NBAS: variants seen among roughly 807,000 people sequenced by gnomAD.
The protein encoded by NBAS is NAG/BC035112 fusion.
A neutral mutation model predicts 302.5 loss-of-function variants in NBAS; 219 were observed. That is an observed-to-expected ratio of 0.72 (90% CI 0.65 to 0.81). NBAS has a LOEUF of 0.81. Among genes scored for constraint, NBAS ranks in the 30% least tolerant of loss-of-function variants. The probability of loss-of-function intolerance (pLI) is 0.00; values close to 1 mark genes in which losing one functional copy is unlikely to be tolerated. For missense variants in NBAS, 2,932 were observed against 2,841.6 expected (o/e 1.03, Z -0.72); for synonymous variants, 1,118 against 1,021.6 (o/e 1.09, Z -1.80).
intron 40 of NBAS, among the ~76,000 whole-genome samples, chr2:15,294,256 CA>C (rs530491384): frequency 2.0e-3 from 307 of 152,282 alleles, no homozygotes; most frequent in African/African-American, 6.8e-3. Context: ...GTTAAATACT[CA>C]GGTACCATAC....
At chr2:15,141,819 G>C in the NBAS span, among the ~76,000 whole-genome samples, 1 of 152,164 alleles carries the variant, frequency 6.6e-6, no homozygotes, top group African/African-American at 2.4e-5. Flanking sequence ...AAGGGGCAGG[G>C]GATGCTAGAG....
At chr2:15,459,986 A>T (rs1679435052) in intron 21 of NBAS, among the ~76,000 whole-genome samples, 1 of 147,000 alleles carries the variant, frequency 6.8e-6, no homozygotes, top group Admixed American at 7.0e-5. Flanking sequence ...GGTAATACCA[A>T]AATTATTTGA....
At chr2:15,034,509 G>C in the NBAS span, among the ~76,000 whole-genome samples, 1 of 152,072 alleles carries the variant, frequency 6.6e-6, no homozygotes, top group South Asian at 2.1e-4. Flanking sequence ...CAACACAGCC[G>C]GTGGTGCTTT....
At chr2:14,793,651 A>G in the NBAS span, among the ~76,000 whole-genome samples, 3 of 152,196 alleles carry the variant, frequency 2.0e-5, no homozygotes, top group Non-Finnish European at 2.9e-5. Context: ...TAGTCTAAGA[A>G]GAAATGATCG....
At chr2:14,791,634 T>G in the NBAS span, among the ~76,000 whole-genome samples, 1 of 151,832 alleles carries the variant, frequency 6.6e-6, no homozygotes, top group African/African-American at 2.4e-5. Flanking sequence ...AAACCCCATC[T>G]CTACTAAAAA....
the NBAS span, among the ~76,000 whole-genome samples, chr2:15,097,512 T>A: frequency 7.2e-5 from 11 of 152,134 alleles, no homozygotes; most frequent in Admixed American, 6.6e-4. Flanking sequence ...AGAAATTTGT[T>A]CCTCACAGTT....
chr2:15,156,958 C>A, the NBAS span, among the ~76,000 whole-genome samples: 1 of 152,162 alleles, frequency 6.6e-6, no homozygotes, highest in Admixed American at 6.5e-5. Flanking sequence ...CATAGGCATC[C>A]TCCCTCCCTT....
chr2:15,430,850 A>G (rs553564117), intron 21 of NBAS, among the ~76,000 whole-genome samples: 1 of 151,966 alleles, frequency 6.6e-6, no homozygotes, highest in African/African-American at 2.4e-5. Flanking sequence ...TCGGTCGCCC[A>G]GTCTGGAGTG....
chr2:14,795,795 C>G, the NBAS span, among the ~76,000 whole-genome samples: 3 of 152,114 alleles, frequency 2.0e-5, no homozygotes, highest in African/African-American at 7.2e-5. Flanking sequence ...ATATGAGTAG[C>G]AACTCCTACC....
the NBAS span, among the ~76,000 whole-genome samples, chr2:14,997,382 T>C: frequency 6.6e-6 from 1 of 151,566 alleles, no homozygotes; most frequent in Admixed American, 6.6e-5. Flanking sequence ...GCACATGAAC[T>C]TGGTCTTCTG....
intron 48 of NBAS, 81 bp downstream of exon 48, chr2:15,218,692 T>C: frequency 6.3e-7 from 1 of 1,585,596 alleles, no homozygotes; most frequent in Non-Finnish European, 8.7e-7. Flanking sequence ...CCTCCCACAA[T>C]GCTGGGATTA....
the NBAS span, among the ~76,000 whole-genome samples, chr2:15,118,301 G>C: frequency 2.6e-5 from 4 of 152,190 alleles, no homozygotes; most frequent in Non-Finnish European, 4.4e-5. Context: ...AGATCACTGA[G>C]GAAACTCTTG....
At position 15,539,236 on chromosome 2, in the gene NBAS, A is replaced by G; in HGVS notation, c.500T>C (p.Phe167Ser). Residue 167 changes from phenylalanine to serine, a missense_variant, in exon 7 of 52, where the codon TTT becomes TCT. Physicochemically the swap from Phe to Ser is radical, Grantham distance 155 (BLOSUM62 -2). Coordinates refer to ENST00000281513, the MANE Select transcript of NBAS (RefSeq NM_015909.4). ...CTATGTACATACCGGGGAAATGACAAAGAGTTCACTTCCCATGAGATCAAA... is the reference window on the plus strand; with the variant it reads ...CTATGTACATACCGGGGAAATGACAGAGAGTTCACTTCCCATGAGATCAAA... ...RVFDLMGSEL[F>S]VISPASSFIG... The G allele has an allele frequency of 6.2e-7, 1 of 1,614,188 alleles. No homozygotes were observed. The highest frequency in any genetic ancestry group is 8.5e-7 in the Non-Finnish European group (1 of 1,180,006).
At chr2:15,098,060 G>GTATATAATA in the NBAS span, among the ~76,000 whole-genome samples, 4 of 34 alleles carry the variant, frequency 0.12, 2 homozygotes, top group Non-Finnish European at 0.22. Flanking sequence ...ATATTATATT[G>GTATATAATA]TATATATTAT....
chr2:15,271,201 T>C (rs1669305476), intron 44 of NBAS, among the ~76,000 whole-genome samples: 1 of 152,206 alleles, frequency 6.6e-6, no homozygotes, highest in Non-Finnish European at 1.5e-5. Context: ...CAAACAAAGA[T>C]ACTCTTATGC....
chr2:14,822,112 T>A, the NBAS span, among the ~76,000 whole-genome samples: 2 of 152,178 alleles, frequency 1.3e-5, no homozygotes, highest in African/African-American at 4.8e-5. Context: ...GGTAAGCATG[T>A]TGAAATCTTG....
intron 9 of NBAS, among the ~76,000 whole-genome samples, chr2:15,514,849 T>G (rs1429998015): frequency 6.6e-6 from 1 of 152,158 alleles, no homozygotes; most frequent in Admixed American, 6.5e-5. Context: ...ATAACTAGCA[T>G]AGCCATGCAT....
chr2:15,112,161 T>C, the NBAS span, among the ~76,000 whole-genome samples: 1 of 151,422 alleles, frequency 6.6e-6, no homozygotes, highest in East Asian at 1.9e-4. Context: ...CAAAATGGGC[T>C]AAACAATGTT....
intron 44 of NBAS, among the ~76,000 whole-genome samples, chr2:15,254,832 C>T (rs529962243): frequency 1.4e-4 from 21 of 152,290 alleles, no homozygotes; most frequent in African/African-American, 4.8e-4. Context: ...GAATAATGGT[C>T]TCCAACTCCA....
Sources: allele counts gnomAD v4.1 joint callset (sites outside exome capture counted in the v4.1 genomes callset), GRCh38; gene constraint gnomAD v4.1.1; transcripts MANE v1.5; gene names NCBI Gene and HGNC (gene_info 2026-07-23, HGNC 2026-07-21).